The following NLRP7 variants were observed in gnomAD, a reference collection of about 807,000 sequenced individuals.
NLRP7 encodes the protein NACHT, LRR and PYD domains-containing protein 7.
Under a neutral mutation model 85.5 loss-of-function variants are expected in NLRP7, and 72 were observed. That is an observed-to-expected ratio of 0.84 (90% CI 0.70 to 1.02). The LOEUF (loss-of-function observed/expected upper bound fraction) is 1.02, where lower values mean the gene tolerates loss of function less well. NLRP7 is among the 50% of genes least tolerant of loss of function. The probability of loss-of-function intolerance (pLI) is 0.00; values close to 1 mark genes in which losing one functional copy is unlikely to be tolerated. For synonymous variants in NLRP7, 550 were observed against 505.2 expected, an observed-to-expected ratio of 1.09 and a Z score of -1.19; for missense variants, 1,243 against 1,219.5, an observed-to-expected ratio of 1.02 and a Z score of -0.29.
Position 54,958,270 on chromosome 19 carries a change from G to A in NLRP7, c.-77+7770C>T, listed in dbSNP as rs985981859. The stretch of plus-strand genomic sequence containing the variant: ...AGACTTATCTAACATTGACACTTAG[G>A]AGAAGTAGGGAGAAAGAGGTGGGAA... On this transcript the variant is annotated intron_variant, in intron 1 of 2. Coordinates refer to the NLRP7 transcript ENST00000587103. Among the ~76,000 whole-genome samples the A allele has an allele frequency of 3.3e-5, 5 of 151,436 alleles. No homozygotes were observed. In the East Asian group the frequency reaches 9.6e-4, roughly 29 times the overall value.
chr19:54,958,569 C>T (rs760190509), intron 1 of NLRP7, among the ~76,000 whole-genome samples: 1 of 151,926 alleles, frequency 6.6e-6, no homozygotes, highest in Admixed American at 6.6e-5. Context: ...CGCTTGAACC[C>T]GGGAGGCAAA....
chr19:54,937,740 G>C (rs2068996781), intron 5 of NLRP7, among the ~76,000 whole-genome samples: 1 of 151,504 alleles, frequency 6.6e-6, no homozygotes, highest in South Asian at 2.1e-4. Context: ...TGTGCTAAAA[G>C]TACAAAATTA....
At chr19:54,927,840 C>T (rs1416057056) in intron 9 of NLRP7, 65 bp from the exon 10 acceptor site, 2 of 1,463,094 alleles carry the variant, frequency 1.4e-6, no homozygotes, top group African/African-American at 1.4e-5. Flanking sequence ...GCGTGTAATC[C>T]CAACACTTCG....
chr19:54,963,067 A>G lies in NLRP7; in HGVS notation c.-77+2973T>C, dbSNP rs370031920. On this transcript the variant is annotated intron_variant, in intron 1 of 2. Coordinates refer to the NLRP7 transcript ENST00000587103. ...GTGAAAAATGGGTAGGATCATGGCA[A>G]TCACTACTGTGTAGCAATGTTTAGA... Among the ~76,000 whole-genome samples the G allele has an allele frequency of 9.9e-5, 15 of 152,164 alleles. 1 individual carries two copies. The highest frequency in any genetic ancestry group is 9.6e-4 in the East Asian group (5 of 5,186).
intron 9 of NLRP7, among the ~76,000 whole-genome samples, chr19:54,929,813 A>G (rs1456094698): frequency 6.6e-6 from 1 of 152,046 alleles, no homozygotes; most frequent in African/African-American, 2.4e-5. Flanking sequence ...ACAGTCTGAG[A>G]TATTGAAAAC....
chr19:54,944,218 C>T (rs1053527182), intron 1 of NLRP7, among the ~76,000 whole-genome samples: 1 of 151,778 alleles, frequency 6.6e-6, no homozygotes, highest in African/African-American at 2.4e-5. Context: ...GTATCTGTCT[C>T]CTGCTCGTCC....
At position 54,934,405 on chromosome 19, in the gene NLRP7, G is replaced by T. The variant is rs1356571900; in HGVS notation, c.2471+84C>A. 1.4e-6 allele frequency: 2 copies of T among 1,382,902 alleles called. No homozygotes were observed. The highest frequency in any genetic ancestry group is 2.1e-6 in the Non-Finnish European group (2 of 968,900). 85.7% of individuals were successfully genotyped at this position (1,382,902 alleles called of 1,614,324 possible). A position where few individuals can be genotyped will look rare whatever the true frequency, so the allele number is the denominator to read the frequency against. On this transcript the variant is annotated intron_variant, in intron 7 of 9. Coordinates refer to ENST00000340844, the Ensembl canonical transcript of NLRP7. This position sits in a 1 kb window ranked among gnomAD's most constrained non-coding sequence, Gnocchi z 6.7. ...TATTTCAGCAAGAGGCGCCACGTGG[G>T]TGGCGCAGTAAGTCAGGTGTTACCC...
intron 6 of NLRP7, among the ~76,000 whole-genome samples, 157 bp downstream of exon 6, chr19:54,936,104 G>A (rs2068910816): frequency 6.6e-6 from 1 of 152,098 alleles, no homozygotes; most frequent in South Asian, 2.1e-4. Context: ...GCTGGTGGGG[G>A]AAAGAGGAGA....
intron 1 of NLRP7, among the ~76,000 whole-genome samples, chr19:54,963,425 C>T (rs923980894): frequency 1.3e-5 from 2 of 151,980 alleles, no homozygotes; most frequent in Admixed American, 6.6e-5. Flanking sequence ...CGCGGTGGTT[C>T]GTGCCTGCAA....
chr19:54,940,052 T>A (rs2069149564), exon 4 of NLRP7: 9 of 1,614,176 alleles, frequency 5.6e-6, no homozygotes, highest in Non-Finnish European at 5.9e-6. Context: ...TTTCAGCTCA[T>A]CAAGGCCATC....
rs2043307 is a variant in NLRP7 at position 54,934,027 on chromosome 19, G to T, written c.2472-288C>A. 0.29 allele frequency among the ~76,000 whole-genome samples: 44,138 copies of T among 152,026 alleles called. 6,792 individuals carry two copies. Among genetic ancestry groups the T allele is most frequent in the East Asian group, 0.41 (2,081 of 5,138 alleles). On this transcript the variant is annotated intron_variant, in intron 7 of 9. Coordinates refer to ENST00000340844, the Ensembl canonical transcript of NLRP7. The surrounding 1 kb of genome is among the most constrained non-coding windows in gnomAD (Gnocchi z 6.7). ...GCGCGATCTCGGTTCACTGCCAATC[G>T]CCGCCTCCCAGGTTTACACCATTCT...
chr19:54,927,828 A>C, intron 9 of NLRP7, 53 bp from the exon 10 acceptor site: 552 of 1,545,412 alleles, frequency 3.6e-4, no homozygotes, highest in Non-Finnish European at 4.6e-4. Context: ...GTAGTGGCTC[A>C]AGCGTGTAAT....
chr19:54,931,860 A>AGT (rs139352336), intron 8 of NLRP7, among the ~76,000 whole-genome samples: 1 of 150,046 alleles, frequency 6.7e-6, no homozygotes, highest in African/African-American at 2.5e-5. Flanking sequence ...AAAAAAAAAA[A>AGT]CATCCAAATG....
intron 1 of NLRP7, among the ~76,000 whole-genome samples, chr19:54,943,282 GAC>G (rs1331514678): frequency 1.3e-5 from 2 of 151,826 alleles, no homozygotes; most frequent in African/African-American, 2.4e-5. Flanking sequence ...CAGCCTGGGT[GAC>G]AGAGTGAGGC....
At chr19:54,926,733 T>G (rs889866873) in intron 9 of NLRP7, among the ~76,000 whole-genome samples, 5 of 151,566 alleles carry the variant, frequency 3.3e-5, no homozygotes, top group African/African-American at 1.2e-4. Flanking sequence ...CTGGCCAACA[T>G]GGCAAAACCC....
At chr19:54,942,255 CAAAAAAAAAAAAAA>C (rs576434793) in intron 1 of NLRP7, among the ~76,000 whole-genome samples, 4 of 59,442 alleles carry the variant, frequency 6.7e-5, no homozygotes, top group South Asian at 9.5e-4. Flanking sequence ...GACTCCGTCT[CAAAAAAAAAAAAAA>C]AAAAAAAAAA....
At chr19:54,932,402 T>A (rs868116780) in intron 8 of NLRP7, among the ~76,000 whole-genome samples, 1 of 148,550 alleles carries the variant, frequency 6.7e-6, no homozygotes, top group African/African-American at 2.5e-5. Flanking sequence ...CATTCCAGTC[T>A]GGGCGACAGA....
intron 3 of NLRP7, 81 bp downstream of exon 3, chr19:54,940,850 A>T: frequency 1.1e-6 from 1 of 939,150 alleles, no homozygotes; most frequent in African/African-American, 1.6e-5. Flanking sequence ...ACTACCAGAA[A>T]TGAATAAAAC....
rs746464427 is a variant in NLRP7 at position 54,934,493 on chromosome 19, A to G, written c.2467T>C (p.Leu823=). ...CCATGGGAAGAGGAGACTTACGACA[A>G]CATCTGCAGGAAGTGTTTTGGGCGT... The change falls in exon 7 of 10, where the codon TTG becomes CTG. Residue 823 remains leucine (L), a synonymous_variant. Transcript: ENST00000340844. This position sits in a 1 kb window ranked among gnomAD's most constrained non-coding sequence, Gnocchi z 6.7. 6.2e-7 allele frequency: 1 copy of G among 1,614,132 alleles called. No individual in the cohort carries two copies. The highest frequency in any genetic ancestry group is 1.1e-5 in the South Asian group (1 of 91,082).
Sources: gnomAD v4.1 joint callset for allele counts (sites outside exome capture counted in the v4.1 genomes callset) on GRCh38, gnomAD v4.1.1 for gene constraint, Gnocchi (gnomAD v3.1) non-coding constraint, MANE v1.5 for transcripts, NCBI Gene and HGNC (gene_info 2026-07-23, HGNC 2026-07-21) for gene names.